KAZN: variants seen among roughly 807,000 people sequenced by gnomAD.
KAZN encodes kazrin.
KAZN carries 40 observed loss-of-function variants against 87.4 expected under a neutral mutation model. That is an observed-to-expected ratio of 0.46 (90% CI 0.36 to 0.60). The LOEUF (loss-of-function observed/expected upper bound fraction) is 0.60. Ranked by LOEUF, KAZN falls within the 20% of genes least tolerant of loss-of-function variation. The probability of loss-of-function intolerance (pLI) is 0.00; values close to 1 mark genes in which losing one functional copy is unlikely to be tolerated. For missense variants in KAZN, 898 were observed against 1,073.9 expected, an observed-to-expected ratio of 0.84 and a Z score of 2.29; for synonymous variants, 466 against 458.3, an observed-to-expected ratio of 1.02 and a Z score of -0.22.
intron 1 of KAZN, among the ~76,000 whole-genome samples, chr1:14,944,797 C>T (rs1447287270): frequency 6.6e-6 from 1 of 152,244 alleles, no homozygotes; most frequent in Non-Finnish European, 1.5e-5. Context: ...GGGAAAAGTG[C>T]TTTATTCAGC....
At chr1:13,929,049 T>C (rs1640400642) in intron 1 of KAZN, among the ~76,000 whole-genome samples, 1 of 3,728 alleles carries the variant, frequency 2.7e-4, no homozygotes, top group South Asian at 0.011. Flanking sequence ...CTTCAAGGCT[T>C]TTTTTTTTTT....
In KAZN at chr1:14,271,115, C is replaced by T. The variant is rs1018725567; in HGVS notation, c.249+90523C>T. On this transcript the variant is annotated intron_variant, in intron 2 of 16. Coordinates refer to the KAZN transcript ENST00000636203. The stretch of plus-strand genomic sequence containing the variant: ...GGCTCTCTCCTTACTTTGCAAATGG[C>T]GTCTTCTCCCTGTGTCCTCACAGGG... Among the ~76,000 whole-genome samples the T allele has an allele frequency of 3.3e-5, 5 of 152,202 alleles. No homozygotes were observed. In the East Asian group the frequency reaches 5.8e-4, roughly 18 times the overall value.
At chr1:14,710,506 G>A (rs945579961) in intron 1 of KAZN, among the ~76,000 whole-genome samples, 5 of 152,038 alleles carry the variant, frequency 3.3e-5, no homozygotes, top group East Asian at 1.9e-4. Context: ...TCACCACTGC[G>A]TTAGAGCTTA....
intron 4 of KAZN, among the ~76,000 whole-genome samples, chr1:15,047,032 C>T (rs1041889116): frequency 6.6e-6 from 1 of 152,206 alleles, no homozygotes; most frequent in East Asian, 1.9e-4. Flanking sequence ...AGCCTGTTTC[C>T]GCTCTGGCCA....
chr1:14,356,705 T>C (rs572988970), intron 2 of KAZN, among the ~76,000 whole-genome samples: 7 of 152,306 alleles, frequency 4.6e-5, no homozygotes, highest in African/African-American at 1.4e-4. Context: ...TTGCTTGTTT[T>C]TGTCAGGTTT....
chr1:14,793,250 G>A (rs919796667), intron 1 of KAZN, among the ~76,000 whole-genome samples: 1 of 152,180 alleles, frequency 6.6e-6, no homozygotes. Flanking sequence ...ATCTCCGGGG[G>A]TAGCCTGGCT....
chr1:14,164,118 C>T (rs1004978220), intron 1 of KAZN, among the ~76,000 whole-genome samples: 1 of 152,310 alleles, frequency 6.6e-6, no homozygotes, highest in African/African-American at 2.4e-5. Flanking sequence ...TTATCTATTA[C>T]TGCTCATAAA....
At chr1:14,997,702 AG>A (rs140732120) in intron 2 of KAZN, among the ~76,000 whole-genome samples, 7,659 of 152,194 alleles carry the variant, frequency 0.05, 263 homozygotes, top group East Asian at 0.12. Context: ...CAGCCCCCTG[AG>A]GGTGGAGGAG....
chr1:14,254,683 A>G (rs1291461626), intron 2 of KAZN, among the ~76,000 whole-genome samples: 1 of 152,120 alleles, frequency 6.6e-6, no homozygotes. Flanking sequence ...GCATTGCTAT[A>G]AAGAAATACC....
rs138813268 is a variant in KAZN at position 14,786,290 on chromosome 1, T to C, written c.227-174394T>C. ...TTATAGCTCAGGCGCCTGCTCTCCC[T>C]GGTAACTCTCTAGTTAATATTTTAA... On this transcript the variant is annotated intron_variant, in intron 1 of 14. Transcript: ENST00000376030. Among the ~76,000 whole-genome samples the C allele has an allele frequency of 4.3e-3, 649 of 152,318 alleles. 4 individuals carry two copies. Among genetic ancestry groups the C allele is most frequent in the African/African-American group, 0.015 (630 of 41,550 alleles).
At chr1:14,861,751 G>T (rs750077300) in intron 1 of KAZN, among the ~76,000 whole-genome samples, 2 of 152,138 alleles carry the variant, frequency 1.3e-5, no homozygotes, top group Non-Finnish European at 2.9e-5. Context: ...GAGACACAAT[G>T]AGACTTTGAC....
chr1:14,461,231 G>A (rs1667834144), intron 2 of KAZN, among the ~76,000 whole-genome samples: 1 of 152,188 alleles, frequency 6.6e-6, no homozygotes, highest in East Asian at 1.9e-4. Flanking sequence ...AGGGTGATGT[G>A]GTTTGGCTGT....
chr1:14,324,640 C>G (rs76834592), intron 2 of KAZN, among the ~76,000 whole-genome samples: 1 of 151,898 alleles, frequency 6.6e-6, no homozygotes. Flanking sequence ...TATGGAGTGC[C>G]ATTCTACCAA....
rs557108442 is a variant in KAZN at position 14,726,136 on chromosome 1, T to C, written c.226+126913T>C. 1.8e-4 allele frequency among the ~76,000 whole-genome samples: 27 copies of C among 152,336 alleles called. 1 individual carries two copies. The South Asian group carries it at 4.8e-3, about 27-fold the overall frequency. Reference sequence around the variant, plus strand: ...CTGGCTCTGTGAATGAGGCTTCAGATGCTTTGGTTCTGCAGGAAAGGCCAC... The same window carrying C: ...CTGGCTCTGTGAATGAGGCTTCAGACGCTTTGGTTCTGCAGGAAAGGCCAC... On this transcript the variant is annotated intron_variant, in intron 1 of 14. Transcript: ENST00000376030.
chr1:14,274,708 TG>T (rs1386910120), intron 2 of KAZN, among the ~76,000 whole-genome samples: 16 of 152,324 alleles, frequency 1.1e-4, no homozygotes, highest in African/African-American at 3.8e-4. Context: ...ATATTAGCTG[TG>T]ACGTGGGGAG....
At chr1:14,918,473 C>G (rs1296828358) in intron 1 of KAZN, among the ~76,000 whole-genome samples, 1 of 151,334 alleles carries the variant, frequency 6.6e-6, no homozygotes, top group Non-Finnish European at 1.5e-5. Context: ...GTCAGGAGTT[C>G]GAGACCAGCC....
intron 1 of KAZN, among the ~76,000 whole-genome samples, chr1:14,053,401 C>G (rs1441505764): frequency 6.6e-6 from 1 of 152,154 alleles, no homozygotes; most frequent in South Asian, 2.1e-4. Flanking sequence ...CCCAGCTAAG[C>G]CACACCTGGA....
At chr1:14,259,789 G>A (rs1048829912) in intron 2 of KAZN, among the ~76,000 whole-genome samples, 10 of 152,142 alleles carry the variant, frequency 6.6e-5, no homozygotes, top group African/African-American at 2.2e-4. Context: ...AAAACTAGAA[G>A]GTTTTCTCAA....
intron 1 of KAZN, among the ~76,000 whole-genome samples, chr1:14,080,713 G>T (rs192582177): frequency 6.6e-6 from 1 of 152,178 alleles, no homozygotes; most frequent in African/African-American, 2.4e-5. Context: ...TAAAAGCTTC[G>T]GTAGCACATA....
Sources: gnomAD v4.1 joint callset for allele counts (sites outside exome capture counted in the v4.1 genomes callset) on GRCh38, gnomAD v4.1.1 for gene constraint, MANE v1.5 for transcripts, NCBI Gene and HGNC (gene_info 2026-07-23, HGNC 2026-07-21) for gene names.